Variants in EPHA6 observed in about 807,000 individuals in gnomAD.
EPHA6 encodes EPH receptor A6.
EPHA6 carries 50 observed loss-of-function variants against 112.0 expected under a neutral mutation model. That is an observed-to-expected ratio of 0.45 (90% CI 0.36 to 0.56). EPHA6 has a LOEUF of 0.56. Ranked by LOEUF, EPHA6 falls within the 20% of genes least tolerant of loss-of-function variation. The probability of loss-of-function intolerance (pLI) is 0.00; values close to 1 mark genes in which losing one functional copy is unlikely to be tolerated. For missense variants in EPHA6, 1,280 were observed against 1,417.4 expected, an observed-to-expected ratio of 0.90 and a Z score of 1.56; for synonymous variants, 529 against 490.7, an observed-to-expected ratio of 1.08 and a Z score of -1.03.
chr3:97,031,600 G>A (rs950173119), intron 3 of EPHA6, among the ~76,000 whole-genome samples: 1 of 151,790 alleles, frequency 6.6e-6, no homozygotes, highest in Non-Finnish European at 1.5e-5. Flanking sequence ...AAGTTTACAA[G>A]AAAAAAACAA....
At chr3:96,959,144 A>G (rs981624926) in intron 2 of EPHA6, among the ~76,000 whole-genome samples, 3 of 151,424 alleles carry the variant, frequency 2.0e-5, no homozygotes, top group African/African-American at 4.9e-5. Context: ...GAGTGTTCCA[A>G]TTGCTCCACA....
rs1397597074 is a variant in EPHA6, at chr3:97,135,270, G to A, written c.1115-90994G>A. On this transcript the variant is annotated intron_variant, in intron 3 of 17. Transcript: ENST00000389672. ...TGAGTTACAAGCTGCGTGAACTTGAGAAAAGTCACTTAATTTCTGCAAGCT... is the reference window on the plus strand; with the variant it reads ...TGAGTTACAAGCTGCGTGAACTTGAAAAAAGTCACTTAATTTCTGCAAGCT... Among the ~76,000 whole-genome samples, 5 of 152,238 alleles carry A rather than the reference G, an allele frequency of 3.3e-5. No homozygotes were observed. In the East Asian group the frequency reaches 7.7e-4, roughly 24 times the overall value.
chr3:97,664,046 G>A (rs1409282040), intron 14 of EPHA6, among the ~76,000 whole-genome samples: 3 of 152,134 alleles, frequency 2.0e-5, no homozygotes, highest in Admixed American at 6.5e-5. Context: ...GTGAGATGGT[G>A]TCTCATTGTG....
At chr3:97,671,133 C>T (rs910319877) in intron 14 of EPHA6, among the ~76,000 whole-genome samples, 1 of 152,134 alleles carries the variant, frequency 6.6e-6, no homozygotes, top group Non-Finnish European at 1.5e-5. Context: ...TAACTGTACC[C>T]TTCATCTCAC....
At chr3:97,653,049 T>A (rs2107612591) in intron 14 of EPHA6, among the ~76,000 whole-genome samples, 1 of 151,982 alleles carries the variant, frequency 6.6e-6, no homozygotes, top group East Asian at 1.9e-4. Context: ...TACAGTTAGT[T>A]TGGGGCCCCA....
intron 16 of EPHA6, among the ~76,000 whole-genome samples, chr3:97,742,085 C>T (rs866200563): frequency 2.6e-5 from 4 of 152,076 alleles, no homozygotes; most frequent in African/African-American, 7.2e-5. Flanking sequence ...TCCAGAATTA[C>T]GTCCTCAGGC....
intron 3 of EPHA6, among the ~76,000 whole-genome samples, chr3:97,063,470 A>G (rs1242756047): frequency 6.6e-6 from 1 of 152,214 alleles, no homozygotes. Flanking sequence ...CAAACACTGC[A>G]TGTTCTCACT....
rs528248256 is a variant in EPHA6, at chr3:97,259,252, T to C, written c.1606+14965T>C. Among the ~76,000 whole-genome samples, 40 of 152,316 alleles carry C rather than the reference T, an allele frequency of 2.6e-4. 1 individual carries two copies. In the South Asian group the frequency reaches 8.1e-3, roughly 31 times the overall value. ...GTTGGCATTTGAAAAAAAATCTATGTAAATAGAAATAATTTTAATTCTTTA... is the reference window on the plus strand; with the variant it reads ...GTTGGCATTTGAAAAAAAATCTATGCAAATAGAAATAATTTTAATTCTTTA... On this transcript the variant is annotated intron_variant, in intron 5 of 17. Transcript: ENST00000389672.
chr3:97,707,996 CA>C (rs758296328), intron 14 of EPHA6, among the ~76,000 whole-genome samples: 1 of 152,154 alleles, frequency 6.6e-6, no homozygotes, highest in Non-Finnish European at 1.5e-5. Flanking sequence ...TTCTTTATAG[CA>C]GAATGAAAAT....
intron 14 of EPHA6, among the ~76,000 whole-genome samples, chr3:97,641,684 C>T (rs2094006465): frequency 6.6e-6 from 1 of 152,166 alleles, no homozygotes; most frequent in African/African-American, 2.4e-5. Flanking sequence ...GTGACGGACG[C>T]ACCTGGAAAA....
Position 97,011,314 on chromosome 3 carries a change from T to C in EPHA6, c.1114+23321T>C, listed in dbSNP as rs548782180. On this transcript the variant is annotated intron_variant, in intron 3 of 17. Coordinates refer to ENST00000389672, the MANE Select transcript of EPHA6 (RefSeq NM_001080448.3). ...CTATCCAGAGGCCTGGTTGGCATCA[T>C]CTCAGTAGAGGTCAGGTTAGGGATT... 4.6e-5 allele frequency among the ~76,000 whole-genome samples: 7 copies of C among 152,334 alleles called. 1 individual carries two copies. In the East Asian group the frequency reaches 1.2e-3, roughly 25 times the overall value.
At position 97,035,289 on chromosome 3, in the gene EPHA6, T is replaced by C. The variant is rs186047121; in HGVS notation, c.1114+47296T>C. ...CTGTCTTCTTTTTTCTTATGCTATA[T>C]TAAGTACCTTACCTTTTCTGCAAGT... On this transcript the variant is annotated intron_variant, in intron 3 of 17. Coordinates refer to ENST00000389672, the MANE Select transcript of EPHA6 (RefSeq NM_001080448.3). Among the ~76,000 whole-genome samples, 9 of 152,084 alleles carry C rather than the reference T, an allele frequency of 5.9e-5. No individual in the cohort carries two copies. In the East Asian group the frequency reaches 1.7e-3, roughly 29 times the overall value.
chr3:97,126,591 C>A (rs2108315691), intron 3 of EPHA6, among the ~76,000 whole-genome samples: 1 of 151,908 alleles, frequency 6.6e-6, no homozygotes, highest in East Asian at 1.9e-4. Flanking sequence ...TTAGATATGC[C>A]ACACCAAAAG....
chr3:96,834,825 C>T (rs1409107486), intron 1 of EPHA6, among the ~76,000 whole-genome samples: 1 of 151,828 alleles, frequency 6.6e-6, no homozygotes, highest in African/African-American at 2.4e-5. Context: ...AATATCTAGG[C>T]TTTCCTTTAA....
chr3:97,198,503 G>C (rs1335468485), intron 3 of EPHA6, among the ~76,000 whole-genome samples: 1 of 143,566 alleles, frequency 7.0e-6, no homozygotes, highest in East Asian at 2.0e-4. Flanking sequence ...CTTTTTTTGA[G>C]TCCACGCAGA....
chr3:97,285,380 C>T (rs1415045184), intron 5 of EPHA6, among the ~76,000 whole-genome samples: 1 of 152,054 alleles, frequency 6.6e-6, no homozygotes, highest in Non-Finnish European at 1.5e-5. Flanking sequence ...ATTGCTCTCT[C>T]CCACTCTTCC....
chr3:97,290,356 G>A (rs946003094), intron 5 of EPHA6, among the ~76,000 whole-genome samples: 3 of 152,096 alleles, frequency 2.0e-5, no homozygotes, highest in Non-Finnish European at 4.4e-5. Context: ...TTGCGTCTAA[G>A]TATGTGGTGG....
At chr3:97,002,089 C>T (rs1415058422) in intron 3 of EPHA6, among the ~76,000 whole-genome samples, 1 of 151,814 alleles carries the variant, frequency 6.6e-6, no homozygotes, top group Admixed American at 6.6e-5. Context: ...AACTACTCTT[C>T]AGGATTGGTT....
chr3:97,089,686 A>G (rs1576467529), intron 3 of EPHA6, among the ~76,000 whole-genome samples: 1 of 152,128 alleles, frequency 6.6e-6, no homozygotes, highest in Admixed American at 6.6e-5. Flanking sequence ...TTATATGTAA[A>G]TGATAATAAA....
Sources: gnomAD v4.1 joint callset for allele counts (sites outside exome capture counted in the v4.1 genomes callset) on GRCh38, gnomAD v4.1.1 for gene constraint, MANE v1.5 for transcripts, NCBI Gene and HGNC (gene_info 2026-07-23, HGNC 2026-07-21) for gene names.